Variants in ATRNL1 observed in about 807,000 individuals in gnomAD.
ATRNL1 encodes the protein attractin-like protein 1.
Under a neutral mutation model 182.7 loss-of-function variants are expected in ATRNL1, and 95 were observed. The observed-to-expected ratio is 0.52, with a 90% CI of 0.44 to 0.62. The LOEUF is 0.62. Ranked by LOEUF, ATRNL1 falls within the 20% of genes least tolerant of loss-of-function variation. The probability of loss-of-function intolerance (pLI) is 0.00; values close to 1 mark genes in which losing one functional copy is unlikely to be tolerated. For synonymous variants in ATRNL1, 576 were observed against 568.3 expected (o/e 1.01, Z -0.19); for missense variants, 1,471 against 1,679.5 (o/e 0.88, Z 2.17).
chr10:115,426,779 C>T (rs144524362), intron 21 of ATRNL1, among the ~76,000 whole-genome samples: 1,787 of 152,258 alleles, frequency 0.012, 34 homozygotes, highest in African/African-American at 0.04. Context: ...GGCTGGAGTG[C>T]AACGGCACAA....
intron 15 of ATRNL1, among the ~76,000 whole-genome samples, chr10:115,286,786 C>T (rs1852638055): frequency 6.6e-6 from 1 of 151,930 alleles, no homozygotes; most frequent in African/African-American, 2.4e-5. Flanking sequence ...AGTCAACCAA[C>T]CGCAGATGAA....
chr10:115,758,357 GTT>G (rs59023383), intron 27 of ATRNL1, among the ~76,000 whole-genome samples: 149,403 of 152,090 alleles, frequency 0.98, 73,426 homozygotes, highest in East Asian at 1. Flanking sequence ...CTGTTTGATA[GTT>G]TTTTCCTTCT....
chr10:115,911,148 A>G (rs1181817614), intron 28 of ATRNL1, among the ~76,000 whole-genome samples: 2 of 151,734 alleles, frequency 1.3e-5, no homozygotes, highest in East Asian at 3.9e-4. Context: ...ACAGGCAGGC[A>G]CCACCGTGCT....
At chr10:115,725,288 AT>A (rs200580025) in intron 26 of ATRNL1, among the ~76,000 whole-genome samples, 1 of 152,124 alleles carries the variant, frequency 6.6e-6, no homozygotes, top group African/African-American at 2.4e-5. Context: ...TCAGTCACTG[AT>A]TTTTTTATGA....
intron 28 of ATRNL1, among the ~76,000 whole-genome samples, chr10:115,859,623 C>T (rs1278800960): frequency 6.6e-6 from 1 of 152,120 alleles, no homozygotes; most frequent in Non-Finnish European, 1.5e-5. Context: ...GGGGTCACCT[C>T]ATAGGGCCAG....
rs570985647 is a variant in ATRNL1, at chr10:115,581,559, A to C, written c.3795+32023A>C. On this transcript the variant is annotated intron_variant, in intron 26 of 28. Coordinates refer to ENST00000355044, the MANE Select transcript of ATRNL1 (RefSeq NM_207303.4). Reference sequence around the variant, plus strand: ...TGTAAAAATTAAATATTAAAAGTCTAGTTTGATATATGTAAATTAAAATAT... The same window carrying C: ...TGTAAAAATTAAATATTAAAAGTCTCGTTTGATATATGTAAATTAAAATAT... Among the ~76,000 whole-genome samples the C allele has an allele frequency of 1.3e-4, 20 of 152,288 alleles. No individual in the cohort carries two copies. The South Asian group carries it at 4.1e-3, about 32-fold the overall frequency.
chr10:115,597,822 A>G (rs1358259266), intron 26 of ATRNL1: 4 of 315,588 alleles, frequency 1.3e-5, no homozygotes, highest in Non-Finnish European at 2.5e-5. Context: ...GGCGTGAGCC[A>G]CCGCGCCGGG....
At chr10:115,464,361 G>C (rs997194384) in intron 22 of ATRNL1, among the ~76,000 whole-genome samples, 1 of 151,634 alleles carries the variant, frequency 6.6e-6, no homozygotes, top group African/African-American at 2.4e-5. Flanking sequence ...ATTTTAACTC[G>C]CTATCCATCA....
At chr10:115,936,421 A>G (rs556231308) in intron 28 of ATRNL1, among the ~76,000 whole-genome samples, 1 of 152,312 alleles carries the variant, frequency 6.6e-6, no homozygotes, top group Admixed American at 6.5e-5. Context: ...TGCCTGGCAT[A>G]TAGTAGGCGC....
chr10:115,720,148 C>T (rs1450698807), intron 26 of ATRNL1, among the ~76,000 whole-genome samples: 2 of 152,110 alleles, frequency 1.3e-5, no homozygotes, highest in Non-Finnish European at 2.9e-5. Flanking sequence ...TAGGTGTGAG[C>T]CACTGCGTCT....
intron 1 of ATRNL1, among the ~76,000 whole-genome samples, chr10:115,119,942 C>T (rs1359122381): frequency 2.0e-5 from 3 of 151,906 alleles, no homozygotes; most frequent in African/African-American, 7.2e-5. Flanking sequence ...TGTCTTTTTT[C>T]GCTTCGTAAA....
chr10:115,889,217 G>A (rs540729657), intron 28 of ATRNL1, among the ~76,000 whole-genome samples: 2 of 152,214 alleles, frequency 1.3e-5, no homozygotes, highest in Non-Finnish European at 2.9e-5. Flanking sequence ...CTAGAAGACA[G>A]CATCTCTCTC....
chr10:115,363,033 C>T (rs1856830129), intron 19 of ATRNL1, among the ~76,000 whole-genome samples: 1 of 151,816 alleles, frequency 6.6e-6, no homozygotes, highest in Non-Finnish European at 1.5e-5. Flanking sequence ...TGGGTATATA[C>T]CCAGTAATGG....
At chr10:115,511,393 G>C (rs578179532) in intron 24 of ATRNL1, among the ~76,000 whole-genome samples, 1 of 152,000 alleles carries the variant, frequency 6.6e-6, no homozygotes, top group East Asian at 1.9e-4. Flanking sequence ...TAGTTAACTA[G>C]CATCCTTTAT....
chr10:115,468,678 A>G (rs1372590866), intron 23 of ATRNL1, among the ~76,000 whole-genome samples: 1 of 150,830 alleles, frequency 6.6e-6, no homozygotes, highest in Admixed American at 6.6e-5. Context: ...TGGTAAGACA[A>G]ATAAATTGAT....
intron 5 of ATRNL1, among the ~76,000 whole-genome samples, chr10:115,153,482 T>C (rs1846346420): frequency 6.6e-6 from 1 of 152,216 alleles, no homozygotes; most frequent in African/African-American, 2.4e-5. Flanking sequence ...CTTCTAGATT[T>C]TCTAGTTTAT....
chr10:115,381,022 C>G (rs1446678500), intron 19 of ATRNL1, among the ~76,000 whole-genome samples: 3 of 152,164 alleles, frequency 2.0e-5, no homozygotes, highest in African/African-American at 7.2e-5. Flanking sequence ...ATGTGTGTTT[C>G]TATTTCTCCA....
intron 18 of ATRNL1, among the ~76,000 whole-genome samples, chr10:115,323,885 C>T (rs1854725831): frequency 6.6e-6 from 1 of 152,050 alleles, no homozygotes; most frequent in African/African-American, 2.4e-5. Context: ...TCACGCCATT[C>T]TCCTGCCTCA....
intron 20 of ATRNL1, among the ~76,000 whole-genome samples, chr10:115,396,615 A>G (rs1312006228): frequency 6.6e-6 from 1 of 151,994 alleles, no homozygotes; most frequent in Non-Finnish European, 1.5e-5. Context: ...GTGTGCAGCA[A>G]TGAAAATATT....
Sources: gnomAD v4.1 joint callset for allele counts (sites outside exome capture counted in the v4.1 genomes callset) on GRCh38, gnomAD v4.1.1 for gene constraint, MANE v1.5 for transcripts, NCBI Gene and HGNC (gene_info 2026-07-23, HGNC 2026-07-21) for gene names.